EPB41: variants seen among roughly 807,000 people sequenced by gnomAD.
EPB41 encodes erythrocyte membrane protein band 4.1, also known as protein 4.1.
A neutral mutation model predicts 108.0 loss-of-function variants in EPB41; 65 were observed. That is an observed-to-expected ratio of 0.60 (90% CI 0.49 to 0.74). The LOEUF (loss-of-function observed/expected upper bound fraction) is 0.74. EPB41 is among the 30% of genes least tolerant of loss of function. The pLI is 0.00. For synonymous variants in EPB41, 336 were observed against 358.9 expected, an observed-to-expected ratio of 0.94 and a Z score of 0.72; for missense variants, 875 against 1,037.0, an observed-to-expected ratio of 0.84 and a Z score of 2.15.
intron 15 of EPB41, among the ~76,000 whole-genome samples, chr1:29,061,049 G>T (rs1250937585): frequency 1.3e-5 from 2 of 152,040 alleles, no homozygotes; most frequent in Non-Finnish European, 2.9e-5. Flanking sequence ...GTGGGTATGG[G>T]ATTGTTATTT....
chr1:29,033,661 CTGAGAG>C (rs1229324824), intron 9 of EPB41, among the ~76,000 whole-genome samples: 1 of 151,864 alleles, frequency 6.6e-6, no homozygotes, highest in Admixed American at 6.6e-5. Flanking sequence ...CTCGTGGTTA[CTGAGAG>C]TGAGTTCTAG....
chr1:29,116,349 A>G (rs1670955579), intron 20 of EPB41, among the ~76,000 whole-genome samples: 1 of 151,896 alleles, frequency 6.6e-6, no homozygotes, highest in Non-Finnish European at 1.5e-5. Context: ...GGGTTTCACC[A>G]TGTTGGCCAG....
At chr1:28,988,458 C>G (rs1043097271) in intron 2 of EPB41, among the ~76,000 whole-genome samples, 5 of 151,912 alleles carry the variant, frequency 3.3e-5, no homozygotes, top group African/African-American at 1.2e-4. Flanking sequence ...GTCCTGGGTT[C>G]AAGCTATTCT....
chr1:29,032,492 T>C (rs968364440), intron 8 of EPB41, among the ~76,000 whole-genome samples: 2 of 152,178 alleles, frequency 1.3e-5, no homozygotes, highest in Non-Finnish European at 2.9e-5. Context: ...CTATACTCAT[T>C]TTGGGGGAAA....
At chr1:29,102,579 T>C (rs1457955417) in intron 17 of EPB41, among the ~76,000 whole-genome samples, 2 of 151,424 alleles carry the variant, frequency 1.3e-5, no homozygotes, top group Non-Finnish European at 2.9e-5. Context: ...AGCCAAAAAA[T>C]TTTATTTTAT....
intron 16 of EPB41, among the ~76,000 whole-genome samples, chr1:29,079,626 G>A (rs1416578212): frequency 1.3e-5 from 2 of 152,164 alleles, no homozygotes; most frequent in South Asian, 4.1e-4. Context: ...GGCCAGGCTG[G>A]TCTCAAACTT....
intron 1 of EPB41, among the ~76,000 whole-genome samples, chr1:28,972,661 GT>G (rs1474822408): frequency 6.6e-6 from 1 of 151,566 alleles, no homozygotes; most frequent in East Asian, 1.9e-4. Flanking sequence ...GTGCAGTAGT[GT>G]GATCATGATT....
intron 1 of EPB41, among the ~76,000 whole-genome samples, chr1:28,961,122 A>T (rs1571444707): frequency 6.6e-6 from 1 of 150,864 alleles, no homozygotes; most frequent in Admixed American, 6.6e-5. Context: ...TACTCATTGT[A>T]TGTATCTAGA....
chr1:28,967,058 G>A (rs1419712442), intron 1 of EPB41, among the ~76,000 whole-genome samples: 5 of 118,290 alleles, frequency 4.2e-5, no homozygotes, highest in African/African-American at 1.0e-4. Context: ...TCACTCTGTC[G>A]CCCAGGCTGG....
At chr1:28,974,002 G>A (rs1385794593) in intron 1 of EPB41, among the ~76,000 whole-genome samples, 2 of 152,162 alleles carry the variant, frequency 1.3e-5, no homozygotes, top group African/African-American at 4.8e-5. Flanking sequence ...ATTTGTTAGA[G>A]CAGCAATCAT....
chr1:29,022,908 C>T (rs2150135220), intron 7 of EPB41, among the ~76,000 whole-genome samples: 1 of 152,104 alleles, frequency 6.6e-6, no homozygotes, highest in South Asian at 2.1e-4. Context: ...ATATGTAAAG[C>T]AAAGTTACCT....
chr1:28,900,198 C>T (rs1473526624), intron 1 of EPB41, among the ~76,000 whole-genome samples: 1 of 152,042 alleles, frequency 6.6e-6, no homozygotes, highest in Non-Finnish European at 1.5e-5. Flanking sequence ...TTTAGAGTTT[C>T]CACAGATAGG....
At chr1:28,919,518 C>A (rs2092922690) in intron 1 of EPB41, among the ~76,000 whole-genome samples, 1 of 151,780 alleles carries the variant, frequency 6.6e-6, no homozygotes, top group African/African-American at 2.4e-5. Context: ...GGCTGGAATG[C>A]AGTGGCATGA....
chr1:29,079,930 A>T (rs1041616192), intron 16 of EPB41, among the ~76,000 whole-genome samples: 1 of 151,736 alleles, frequency 6.6e-6, no homozygotes, highest in Non-Finnish European at 1.5e-5. Flanking sequence ...TGGGTGGCGG[A>T]GGTTGCAGTG....
rs1455650913 is a variant in EPB41, at chr1:29,015,778, A to G, written c.905+11A>G. On this transcript the variant is annotated intron_variant, in intron 6 of 20. Coordinates refer to ENST00000343067, the MANE Select transcript of EPB41 (RefSeq NM_001376013.1). ...AGAAGACATAACAAGGTAAATAAGTAATAGTTAAATATGTAATTTATCATA... is the reference window on the plus strand; with the variant it reads ...AGAAGACATAACAAGGTAAATAAGTGATAGTTAAATATGTAATTTATCATA... 2 of 1,502,952 alleles carry G rather than the reference A, an allele frequency of 1.3e-6. No individual in the cohort carries two copies. The highest frequency in any genetic ancestry group is 9.3e-7 in the Non-Finnish European group (1 of 1,079,996). 93.1% of individuals were successfully genotyped at this position (1,502,952 alleles called of 1,614,324 possible).
At chr1:28,899,424 T>A (rs1212414966) in intron 1 of EPB41, among the ~76,000 whole-genome samples, 1 of 151,604 alleles carries the variant, frequency 6.6e-6, no homozygotes, top group Non-Finnish European at 1.5e-5. Flanking sequence ...GCATCTGTTA[T>A]GCTTCCCTCC....
At chr1:29,102,992 C>T (rs1200835411) in intron 17 of EPB41, among the ~76,000 whole-genome samples, 5 of 152,094 alleles carry the variant, frequency 3.3e-5, no homozygotes, top group African/African-American at 1.2e-4. Context: ...AGGCTGGTCT[C>T]GAACTCCTGA....
chr1:28,924,114 C>T (rs776086335), intron 1 of EPB41, among the ~76,000 whole-genome samples: 54 of 152,212 alleles, frequency 3.5e-4, no homozygotes, highest in Non-Finnish European at 5.7e-4. Flanking sequence ...TGGTTAAAAA[C>T]GAGGTCTGTC....
intron 1 of EPB41, among the ~76,000 whole-genome samples, chr1:28,950,417 G>A (rs1392192467): frequency 6.6e-6 from 1 of 152,160 alleles, no homozygotes; most frequent in Non-Finnish European, 1.5e-5. Context: ...TCCACAATCA[G>A]GCTTTATATA....
Sources: gnomAD v4.1 joint callset for allele counts (sites outside exome capture counted in the v4.1 genomes callset) on GRCh38, gnomAD v4.1.1 for gene constraint, MANE v1.5 for transcripts, NCBI Gene and HGNC (gene_info 2026-07-23, HGNC 2026-07-21) for gene names.